MAPRE2: variants seen among roughly 807,000 people sequenced by gnomAD.
The protein encoded by MAPRE2 is microtubule associated protein RP/EB family member 2.
A neutral mutation model predicts 43.2 loss-of-function variants in MAPRE2; 13 were observed. The ratio of observed to expected loss-of-function variants is 0.30; its 90% CI spans 0.20 to 0.48. The LOEUF is 0.48. Among genes scored for constraint, MAPRE2 ranks in the 20% least tolerant of loss-of-function variants. The pLI is 0.99. For synonymous variants in MAPRE2, 135 were observed against 148.8 expected, an observed-to-expected ratio of 0.91 and a Z score of 0.68; for missense variants, 161 against 400.2, an observed-to-expected ratio of 0.40 and a Z score of 5.10.
chr18:35,019,291 A>G (rs916527397), intron 2 of MAPRE2, among the ~76,000 whole-genome samples: 16 of 152,016 alleles, frequency 1.1e-4, no homozygotes, highest in Non-Finnish European at 2.9e-5. Context: ...GATGAGAAGA[A>G]TGTATATTCT....
intron 1 of MAPRE2, among the ~76,000 whole-genome samples, chr18:35,065,755 T>C (rs192944271): frequency 5.4e-4 from 82 of 152,246 alleles, no homozygotes; most frequent in Middle Eastern, 6.8e-3. Context: ...GATTTCGCCA[T>C]GTTGGCCAGG....
rs1245727885 is a variant in MAPRE2, at chr18:34,997,301, G to A, written c.-69-8191G>A. Among the ~76,000 whole-genome samples the A allele has an allele frequency of 2.0e-5, 3 of 152,146 alleles. No homozygotes were observed. In the East Asian group the frequency reaches 5.8e-4, roughly 29 times the overall value. ...AAATCTTATTCCATAGCATTTAGGG[G>A]ATCCTAAAGGATTTCTTAGCATCCT... is the stretch of plus-strand genomic sequence containing the variant. On this transcript the variant is annotated intron_variant, in intron 1 of 7. Transcript: ENST00000413393.
intron 1 of MAPRE2, among the ~76,000 whole-genome samples, chr18:35,052,122 GTGTC>G (rs1363351091): frequency 2.6e-5 from 4 of 152,058 alleles, no homozygotes; most frequent in Non-Finnish European, 5.9e-5. Context: ...GCCATTTAAA[GTGTC>G]TGAGTCAGAG....
At chr18:35,117,939 T>C (rs1374667732) in intron 4 of MAPRE2, among the ~76,000 whole-genome samples, 10 of 152,106 alleles carry the variant, frequency 6.6e-5, no homozygotes, top group Non-Finnish European at 1.0e-4. Context: ...CTTTCCTGCA[T>C]TTTTCCCCCT....
intron 2 of MAPRE2, among the ~76,000 whole-genome samples, chr18:35,071,862 T>G (rs1173759913): frequency 6.6e-6 from 1 of 152,246 alleles, no homozygotes. Context: ...TGGCCAGAAC[T>G]TAGGCGTTGC....
At chr18:35,009,018 A>G (rs1329862830) in intron 2 of MAPRE2, among the ~76,000 whole-genome samples, 2 of 152,034 alleles carry the variant, frequency 1.3e-5, no homozygotes, top group African/African-American at 4.8e-5. Context: ...CTCATTCTAC[A>G]TTTATTTTGT....
chr18:35,011,066 G>A (rs370700149), intron 2 of MAPRE2, among the ~76,000 whole-genome samples: 12 of 152,150 alleles, frequency 7.9e-5, no homozygotes, highest in South Asian at 2.1e-4. Context: ...TAGATTTTGC[G>A]TGAGACAGTC....
intron 1 of MAPRE2, among the ~76,000 whole-genome samples, chr18:35,063,981 G>C (rs1340388584): frequency 8.4e-6 from 1 of 119,464 alleles, no homozygotes; most frequent in Non-Finnish European, 1.7e-5. Flanking sequence ...CTGGACTGCC[G>C]AGTGAGACCC....
At chr18:35,128,466 A>G (rs954619745) in intron 5 of MAPRE2, among the ~76,000 whole-genome samples, 1 of 152,240 alleles carries the variant, frequency 6.6e-6, no homozygotes, top group Non-Finnish European at 1.5e-5. Context: ...CAAATATTCA[A>G]AATAAAAAAT....
intron 1 of MAPRE2, among the ~76,000 whole-genome samples, chr18:34,995,654 A>G (rs966828176): frequency 2.6e-5 from 4 of 152,212 alleles, no homozygotes; most frequent in African/African-American, 7.2e-5. Context: ...AGTGGTGTGC[A>G]CCAAGGATGG....
intron 1 of MAPRE2, among the ~76,000 whole-genome samples, chr18:35,062,051 A>T (rs1432980720): frequency 1.3e-5 from 2 of 152,210 alleles, no homozygotes; most frequent in East Asian, 3.8e-4. Context: ...GTTCATTATT[A>T]GGGGAGGCTG....
chr18:35,041,273 T>C, upstream of MAPRE2: 3 of 1,349,726 alleles, frequency 2.2e-6, no homozygotes, highest in Non-Finnish European at 2.9e-6. Flanking sequence ...CGCGACCCTG[T>C]GCGAATTGAG....
intron 1 of MAPRE2, chr18:35,005,446 T>C (rs1244605759): frequency 8.4e-7 from 1 of 1,191,722 alleles, no homozygotes; most frequent in South Asian, 1.5e-5. Flanking sequence ...ATTTTCATCA[T>C]ATTAAATGCT....
intron 1 of MAPRE2, among the ~76,000 whole-genome samples, chr18:35,064,251 C>T (rs1906719839): frequency 6.6e-6 from 1 of 151,666 alleles, no homozygotes; most frequent in Admixed American, 6.6e-5. Context: ...CTTATAGCCA[C>T]ACACCTCAAA....
At chr18:35,053,713 C>T (rs1234640164) in intron 1 of MAPRE2, among the ~76,000 whole-genome samples, 1 of 152,056 alleles carries the variant, frequency 6.6e-6, no homozygotes, top group Non-Finnish European at 1.5e-5. Flanking sequence ...ACCATATGTT[C>T]TCACAAGTGG....
chr18:35,064,771 C>T (rs1906750692), intron 1 of MAPRE2, among the ~76,000 whole-genome samples: 1 of 152,162 alleles, frequency 6.6e-6, no homozygotes, highest in East Asian at 1.9e-4. Flanking sequence ...TACTGCAAAG[C>T]ATAACCTTGC....
chr18:35,050,267 G>T (rs2150604637), intron 1 of MAPRE2, among the ~76,000 whole-genome samples: 1 of 152,132 alleles, frequency 6.6e-6, no homozygotes, highest in South Asian at 2.1e-4. Context: ...ACTTAATGAG[G>T]TTTACATGTT....
chr18:35,097,378 C>A, intron 2 of MAPRE2, 68 bp from the exon 3 acceptor site: 3 of 1,447,564 alleles, frequency 2.1e-6, no homozygotes, highest in Non-Finnish European at 1.9e-6. Context: ...CCCCTTCCAG[C>A]CTAGCAGTCC....
chr18:35,043,384 C>G (rs1334553932), intron 1 of MAPRE2, among the ~76,000 whole-genome samples: 1 of 152,162 alleles, frequency 6.6e-6, no homozygotes, highest in Non-Finnish European at 1.5e-5. Flanking sequence ...ACCCCACGGG[C>G]CAAAGGAAGT....
Sources: gnomAD v4.1 joint callset for allele counts (sites outside exome capture counted in the v4.1 genomes callset) on GRCh38, gnomAD v4.1.1 for gene constraint, MANE v1.5 for transcripts, NCBI Gene and HGNC (gene_info 2026-07-23, HGNC 2026-07-21) for gene names.